Variants in PRDM5 observed in about 807,000 individuals in gnomAD.
The protein encoded by PRDM5 is PR/SET domain 5.
PRDM5 carries 56 observed loss-of-function variants against 81.2 expected under a neutral mutation model. The observed-to-expected ratio is 0.69, with a 90% CI of 0.56 to 0.86. The LOEUF (loss-of-function observed/expected upper bound fraction) is 0.86. Among genes scored for constraint, PRDM5 ranks in the 40% least tolerant of loss-of-function variants. PRDM5 has a pLI of 0.00. For missense variants in PRDM5, 697 were observed against 770.1 expected, an observed-to-expected ratio of 0.91 and a Z score of 1.12; for synonymous variants, 267 against 256.4, an observed-to-expected ratio of 1.04 and a Z score of -0.39.
chr4:120,787,016 A>AGT lies in PRDM5; in HGVS notation c.1189-1926_1189-1925insAC. On this transcript the variant is annotated intron_variant, in intron 10 of 15. Transcript: ENST00000264808. Reference sequence around the variant, plus strand: ...ATGTCCCTGCTATCACGAAGCTTTTACACTAGCAGAGGAGAAGGACAATAA... The same window carrying AGT: ...ATGTCCCTGCTATCACGAAGCTTTTAGTCACTAGCAGAGGAGAAGGACAATAA... Among the ~76,000 whole-genome samples the AGT allele has an allele frequency of 1.3e-5, 2 of 152,304 alleles. 1 individual carries two copies. Among genetic ancestry groups the AGT allele is most frequent in the South Asian group, 4.1e-4 (2 of 4,834 alleles).
chr4:120,912,658 A>C (rs1310165685), intron 1 of PRDM5, among the ~76,000 whole-genome samples: 1 of 152,236 alleles, frequency 6.6e-6, no homozygotes, highest in East Asian at 1.9e-4. Flanking sequence ...TTAGGAAATT[A>C]CTGTTATTTT....
intron 3 of PRDM5, among the ~76,000 whole-genome samples, chr4:120,837,152 A>T (rs952786144): frequency 6.6e-6 from 1 of 152,170 alleles, no homozygotes; most frequent in African/African-American, 2.4e-5. Context: ...CAACTACCTG[A>T]TTATTATAAG....
chr4:120,748,826 A>G (rs1743537518), intron 14 of PRDM5, among the ~76,000 whole-genome samples: 1 of 152,100 alleles, frequency 6.6e-6, no homozygotes, highest in African/African-American at 2.4e-5. Flanking sequence ...TGAGGCCGCC[A>G]GGGTCTGACT....
At chr4:120,828,122 T>C (rs2667171) in intron 3 of PRDM5, among the ~76,000 whole-genome samples, 8,076 of 152,168 alleles carry the variant, frequency 0.053, 344 homozygotes, top group Middle Eastern at 0.15. Context: ...GGGAGTCAGA[T>C]AGACTTGAAT....
At chr4:120,725,745 G>C (rs1739302557) in intron 14 of PRDM5, among the ~76,000 whole-genome samples, 1 of 152,076 alleles carries the variant, frequency 6.6e-6, no homozygotes, top group Admixed American at 6.6e-5. Flanking sequence ...AGCATCATCT[G>C]AATTCAGGAA....
At chr4:120,684,295 A>T (rs939537632), downstream of PRDM5, among the ~76,000 whole-genome samples, 1 of 152,036 alleles carries the variant, frequency 6.6e-6, no homozygotes, top group Non-Finnish European at 1.5e-5. Flanking sequence ...TCCAAATAAG[A>T]TGAGAAATAT....
chr4:120,703,388 C>T (rs1246937418), intron 15 of PRDM5, among the ~76,000 whole-genome samples: 2 of 152,018 alleles, frequency 1.3e-5, no homozygotes, highest in Non-Finnish European at 2.9e-5. Context: ...TGGAGTCTTG[C>T]TATGTTGCCC....
chr4:120,824,224 G>A (rs895853023), intron 3 of PRDM5, among the ~76,000 whole-genome samples: 6 of 152,280 alleles, frequency 3.9e-5, no homozygotes, highest in South Asian at 2.1e-4. Context: ...GCTTCCTGTC[G>A]TCATGTTACT....
intron 3 of PRDM5, among the ~76,000 whole-genome samples, chr4:120,842,012 C>T (rs1032826324): frequency 1.3e-5 from 2 of 152,198 alleles, no homozygotes; most frequent in Admixed American, 6.5e-5. Context: ...ATAGTAAATA[C>T]TTCTTTTCTC....
chr4:120,877,176 A>G (rs1186532712), intron 2 of PRDM5, among the ~76,000 whole-genome samples: 1 of 152,242 alleles, frequency 6.6e-6, no homozygotes, highest in East Asian at 1.9e-4. Flanking sequence ...TTAACAAGGA[A>G]GAGAGCATGA....
At chr4:120,889,280 A>C (rs371031470) in intron 2 of PRDM5, among the ~76,000 whole-genome samples, 1 of 152,188 alleles carries the variant, frequency 6.6e-6, no homozygotes, top group Non-Finnish European at 1.5e-5. Flanking sequence ...CTATTTTTCC[A>C]TGAGGATATA....
At chr4:120,860,412 C>T (rs12501914) in intron 2 of PRDM5, among the ~76,000 whole-genome samples, 9,236 of 151,894 alleles carry the variant, frequency 0.061, 443 homozygotes, top group Middle Eastern at 0.17. Flanking sequence ...AAAATAAATA[C>T]CTGACAAAAA....
downstream of PRDM5, among the ~76,000 whole-genome samples, chr4:120,689,693 G>A (rs867069874): frequency 4.6e-5 from 7 of 151,074 alleles, no homozygotes; most frequent in Middle Eastern, 6.8e-3. Flanking sequence ...TGCTACTTCC[G>A]CCTCCAGGGT....
At chr4:120,723,821 T>C (rs1258425839) in intron 14 of PRDM5, among the ~76,000 whole-genome samples, 1 of 152,082 alleles carries the variant, frequency 6.6e-6, no homozygotes, top group Non-Finnish European at 1.5e-5. Context: ...AGGTTTCTGA[T>C]GTAACTGTCT....
intron 1 of PRDM5, among the ~76,000 whole-genome samples, chr4:120,919,116 T>C (rs1419465095): frequency 6.6e-6 from 1 of 152,232 alleles, no homozygotes; most frequent in African/African-American, 2.4e-5. Flanking sequence ...TCAGAAGTCA[T>C]TTCCTCTGAA....
At chr4:120,791,219 T>A (rs1511304) in intron 10 of PRDM5, among the ~76,000 whole-genome samples, 30,289 of 152,082 alleles carry the variant, frequency 0.2, 3,672 homozygotes, top group Non-Finnish European at 0.28. Flanking sequence ...TAGCATAGTT[T>A]TAAAGTTTTA....
rs146835457 is a variant in PRDM5, at chr4:120,870,088, AAC to A, written c.178-16550_178-16549del. Among the ~76,000 whole-genome samples, 359 of 152,108 alleles carry A rather than the reference AAC, an allele frequency of 2.4e-3. 1 individual carries two copies. Among genetic ancestry groups the A allele is most frequent in the African/African-American group, 8.4e-3 (347 of 41,520 alleles). ...GAAGGACTCGGAGGAGAAGGGGAGA[AAC>A]AGCGAGATAAAGGACGAGGAAGGAA... On this transcript the variant is annotated intron_variant, in intron 2 of 15. Transcript: ENST00000264808.
intron 14 of PRDM5, among the ~76,000 whole-genome samples, chr4:120,753,980 T>C (rs564361498): frequency 6.6e-6 from 1 of 152,280 alleles, no homozygotes; most frequent in East Asian, 1.9e-4. Context: ...GGAAAAGGCA[T>C]AGATAACAGA....
chr4:120,853,639 CT>C, intron 2 of PRDM5, 99 bp from the exon 3 acceptor site: 8 of 1,463,782 alleles, frequency 5.5e-6, no homozygotes, highest in African/African-American at 1.4e-5. Context: ...AAGTATATAC[CT>C]TTTTTATTGA....
Sources: gnomAD v4.1 joint callset for allele counts (sites outside exome capture counted in the v4.1 genomes callset) on GRCh38, gnomAD v4.1.1 for gene constraint, MANE v1.5 for transcripts, NCBI Gene and HGNC (gene_info 2026-07-23, HGNC 2026-07-21) for gene names.